Variants in PTPRE observed in about 807,000 individuals in gnomAD.
PTPRE encodes the protein receptor-type tyrosine-protein phosphatase epsilon.
A neutral mutation model predicts 102.0 loss-of-function variants in PTPRE; 51 were observed. The observed-to-expected ratio is 0.50, with a 90% CI of 0.40 to 0.63. The LOEUF is 0.63. Among genes scored for constraint, PTPRE ranks in the 30% least tolerant of loss-of-function variants. The pLI, the probability that PTPRE is intolerant of heterozygous loss-of-function variation, is 0.00. For synonymous variants in PTPRE, 345 were observed against 348.2 expected (o/e 0.99, Z 0.10); for missense variants, 752 against 915.1 (o/e 0.82, Z 2.30).
intron 7 of PTPRE, among the ~76,000 whole-genome samples, chr10:128,058,225 G>C (rs866009226): frequency 3.3e-5 from 5 of 152,360 alleles, no homozygotes; most frequent in Middle Eastern, 3.4e-3. Flanking sequence ...GCCCAGGGCA[G>C]AGCAGTGGCC....
At chr10:127,934,280 T>C (rs1362028201) in intron 1 of PTPRE, 1 of 152,208 alleles carries the variant, frequency 6.6e-6, no homozygotes, top group Non-Finnish European at 1.5e-5. Flanking sequence ...TGCTTCACCG[T>C]TGAGAGCCTG....
At chr10:127,912,667 A>G (rs192416338) in intron 1 of PTPRE, among the ~76,000 whole-genome samples, 6 of 152,378 alleles carry the variant, frequency 3.9e-5, no homozygotes, top group African/African-American at 1.2e-4. Flanking sequence ...CAGCTACACT[A>G]CATTTGATCC....
rs1554951767 is a variant in PTPRE at position 128,082,195 on chromosome 10, C to CTCTCTTTTTTTT, written c.2029-636_2029-635insCTCTTTTTTTTT. ...TTAGTACTCTGATTTTTTTCTCTTT[C>CTCTCTTTTTTTT]TTTTTTTTTTTTTTTTTTTTTTTTT... On this transcript the variant is annotated intron_variant, in intron 20 of 20. Transcript: ENST00000254667. Among the ~76,000 whole-genome samples, 18 of 89,038 alleles carry CTCTCTTTTTTTT rather than the reference C, an allele frequency of 2.0e-4. 4 individuals carry two copies. Among genetic ancestry groups the CTCTCTTTTTTTT allele is most frequent in the African/African-American group, 4.1e-4 (9 of 21,964 alleles). The allele number at this position is 89,038 out of a possible 152,430, so 58.4% of individuals were successfully genotyped here.
At chr10:128,073,554 C>CAAATGTTTGCAG in intron 17 of PTPRE, 83 bp downstream of exon 17, 1 of 1,489,160 alleles carries the variant, frequency 6.7e-7, no homozygotes, top group Non-Finnish European at 9.0e-7. Context: ...AATGTCCCAC[C>CAAATGTTTGCAG]TGCCATCACT....
At chr10:128,043,477 CA>C (rs1307031920) in intron 3 of PTPRE, among the ~76,000 whole-genome samples, 6 of 152,260 alleles carry the variant, frequency 3.9e-5, no homozygotes, top group African/African-American at 1.2e-4. Flanking sequence ...ACCTGCCACT[CA>C]CCTCCTGCTG....
intron 2 of PTPRE, chr10:127,999,743 T>C: frequency 2.0e-6 from 2 of 985,388 alleles, no homozygotes; most frequent in Non-Finnish European, 2.4e-6. Context: ...TTCTCCCTGC[T>C]GGATCTTTGC....
intron 2 of PTPRE, among the ~76,000 whole-genome samples, chr10:127,997,643 G>T (rs914729601): frequency 6.6e-6 from 1 of 152,154 alleles, no homozygotes; most frequent in South Asian, 2.1e-4. Flanking sequence ...TAAGAGACAA[G>T]AAAGGAGATA....
chr10:127,927,324 A>T (rs931907802), intron 1 of PTPRE, among the ~76,000 whole-genome samples: 3 of 152,240 alleles, frequency 2.0e-5, no homozygotes, highest in Non-Finnish European at 4.4e-5. Context: ...CTGATGCCAG[A>T]TGAAGTACTG....
rs756412824 is a variant in PTPRE, at chr10:128,073,389, C to T, written c.1517C>T (p.Thr506Met). The T allele has an allele frequency of 3.7e-6, 6 of 1,614,086 alleles. No individual in the cohort carries two copies. The highest frequency in any genetic ancestry group is 2.2e-5 in the East Asian group (1 of 44,898). Reference protein sequence around the residue: ...FIATQGPLAHTVEDFWRMIWE... With the variant: ...FIATQGPLAHMVEDFWRMIWE... ...GCCACCCAGGGGCCACTGGCACACACGGTTGAGGACTTCTGGAGGATGATC... is the reference window on the plus strand; with the variant it reads ...GCCACCCAGGGGCCACTGGCACACATGGTTGAGGACTTCTGGAGGATGATC... Residue 506 changes from threonine (T) to methionine (M), a missense_variant, in exon 17 of 21, where the codon ACG (threonine) becomes ATG (methionine). Around this residue, in one of 2 missense-constraint regions of PTPRE, gnomAD observed 636 missense variants for 824.4 expected, o/e 0.77. Transcript: ENST00000254667.
chr10:127,953,090 T>C (rs1181935586), intron 1 of PTPRE, among the ~76,000 whole-genome samples: 1 of 152,222 alleles, frequency 6.6e-6, no homozygotes, highest in Non-Finnish European at 1.5e-5. Context: ...AACACATTTC[T>C]CCTTTGGGTG....
At chr10:127,929,303 C>T (rs1847246717) in intron 1 of PTPRE, 1 of 152,134 alleles carries the variant, frequency 6.6e-6, no homozygotes. Context: ...TCCCTTAATA[C>T]ATCTGAATTA....
intron 1 of PTPRE, among the ~76,000 whole-genome samples, chr10:127,918,837 T>A (rs1012317820): frequency 4.6e-5 from 7 of 152,126 alleles, no homozygotes; most frequent in African/African-American, 1.4e-4. Flanking sequence ...TCAAGGAGTA[T>A]GAAGGAGTCT....
intron 4 of PTPRE, 78 bp from the exon 5 acceptor site, chr10:128,047,686 G>A: frequency 1.2e-6 from 2 of 1,614,160 alleles, no homozygotes; most frequent in Non-Finnish European, 1.7e-6. Flanking sequence ...CTCACCTGGT[G>A]GGTATCACTG....
At chr10:128,052,844 C>T (rs148881775) in intron 6 of PTPRE, among the ~76,000 whole-genome samples, 4 of 152,316 alleles carry the variant, frequency 2.6e-5, no homozygotes, top group African/African-American at 7.2e-5. Flanking sequence ...CATAGAGCAG[C>T]TGGGGCCTCT....
chr10:128,011,104 G>A (rs1264829127), intron 2 of PTPRE, among the ~76,000 whole-genome samples: 1 of 152,182 alleles, frequency 6.6e-6, no homozygotes, highest in African/African-American at 2.4e-5. Flanking sequence ...CCAATTTCCT[G>A]AACATGGCAT....
intron 1 of PTPRE, among the ~76,000 whole-genome samples, chr10:127,955,101 G>A (rs1849301107): frequency 6.6e-6 from 1 of 151,988 alleles, no homozygotes; most frequent in African/African-American, 2.4e-5. Flanking sequence ...AGATCTTCTG[G>A]AATACAGAAG....
chr10:127,961,482 C>A (rs558834901), intron 1 of PTPRE, among the ~76,000 whole-genome samples: 1 of 152,148 alleles, frequency 6.6e-6, no homozygotes, highest in Non-Finnish European at 1.5e-5. Flanking sequence ...CAGCAAGATG[C>A]AACAGGACAG....
At chr10:128,036,825 G>A (rs72847367) in intron 2 of PTPRE, among the ~76,000 whole-genome samples, 18,169 of 152,052 alleles carry the variant, frequency 0.12, 1,254 homozygotes, top group African/African-American at 0.16. Flanking sequence ...AACCACCGAG[G>A]AATCTTCATA....
At chr10:127,980,291 A>G (rs181507191) in intron 1 of PTPRE, among the ~76,000 whole-genome samples, 7 of 150,894 alleles carry the variant, frequency 4.6e-5, no homozygotes, top group Non-Finnish European at 2.9e-5. Flanking sequence ...CATTATATAG[A>G]CTATCTTTTA....
Sources: allele counts gnomAD v4.1 joint callset (sites outside exome capture counted in the v4.1 genomes callset), GRCh38; gene constraint gnomAD v4.1.1; regional missense constraint gnomAD v4.1.1; transcripts MANE v1.5; gene names NCBI Gene and HGNC (gene_info 2026-07-23, HGNC 2026-07-21).